Variants in PRRC2C observed in about 807,000 individuals in gnomAD.
PRRC2C encodes the protein protein PRRC2C.
A neutral mutation model predicts 317.2 loss-of-function variants in PRRC2C; 72 were observed. The ratio of observed to expected loss-of-function variants is 0.23; its 90% CI spans 0.19 to 0.28. The LOEUF (loss-of-function observed/expected upper bound fraction) is 0.28. PRRC2C is among the 10% of genes least tolerant of loss of function. The pLI, the probability that PRRC2C is intolerant of heterozygous loss-of-function variation, is 1.00. For synonymous variants in PRRC2C, 1,296 were observed against 1,205.9 expected, an observed-to-expected ratio of 1.07 and a Z score of -1.55; for missense variants, 3,074 against 3,459.7, an observed-to-expected ratio of 0.89 and a Z score of 2.80.
Position 171,579,865 on chromosome 1 carries a change from C to A in PRRC2C, c.7310C>A (p.Ala2437Glu). The change falls in exon 28 of 35, where the codon GCA becomes GAA. Residue 2437 changes from alanine to glutamate, a missense_variant. Coordinates refer to ENST00000647382, the MANE Select transcript of PRRC2C (RefSeq NM_001387844.1). ...CAGCAGATTCCAATCCCTATTTATG[C>A]ACCACTGCAAGGGCAGCATCAAGCC... is the stretch of plus-strand genomic sequence containing the variant. ...SVQQIPIPIY[A>E]PLQGQHQAQL... is the part of the protein sequence containing the mutation. 6.3e-7 allele frequency: 1 copy of A among 1,588,338 alleles called. No individual in the cohort carries two copies. The highest frequency in any genetic ancestry group is 8.5e-7 in the Non-Finnish European group (1 of 1,170,568).
At chr1:171,554,729 T>G (rs1341402379) in intron 18 of PRRC2C, among the ~76,000 whole-genome samples, 1 of 152,236 alleles carries the variant, frequency 6.6e-6, no homozygotes, top group African/African-American at 2.4e-5. Flanking sequence ...GAAGCTTAGT[T>G]TGGCTGCATA....
At chr1:171,534,301 G>C (rs1367849279) in intron 12 of PRRC2C, among the ~76,000 whole-genome samples, 2 of 151,936 alleles carry the variant, frequency 1.3e-5, no homozygotes, top group Non-Finnish European at 2.9e-5. Flanking sequence ...TATGAAGATT[G>C]CTCATAACAC....
chr1:171,497,303 G>T (rs1668305490), intron 1 of PRRC2C, among the ~76,000 whole-genome samples: 1 of 152,068 alleles, frequency 6.6e-6, no homozygotes. Flanking sequence ...ATTATGTTGG[G>T]CACTGGCTTT....
chr1:171,496,199 C>CTTTTTTTTTTTTTTT lies in PRRC2C; in HGVS notation c.-58+10474_-58+10488dup, dbSNP rs528654548. 1.4e-3 allele frequency among the ~76,000 whole-genome samples: 103 copies of CTTTTTTTTTTTTTTT among 75,650 alleles called. 8 individuals carry two copies. The highest frequency in any genetic ancestry group is 1.6e-3 in the African/African-American group (24 of 14,734). 49.6% of individuals were successfully genotyped at this position (75,650 alleles called of 152,430 possible). ...ATTTTTAGAGCTTTGATTTTTGTGC[C>CTTTTTTTTTTTTTTT]TTTTTTTTTTTTTTTTTTTTTTTTG... On this transcript the variant is annotated intron_variant, in intron 1 of 34. Coordinates refer to ENST00000647382, the MANE Select transcript of PRRC2C (RefSeq NM_001387844.1).
intron 25 of PRRC2C, 86 bp downstream of exon 25, chr1:171,575,214 T>C (rs1685494083): frequency 2.4e-6 from 3 of 1,274,092 alleles, no homozygotes; most frequent in Admixed American, 2.3e-5. Context: ...TCTCTAGCCC[T>C]CCGAAAATAG....
At chr1:171,518,269 A>C in intron 6 of PRRC2C, among the ~76,000 whole-genome samples, 1 of 152,170 alleles carries the variant, frequency 6.6e-6, no homozygotes, top group Non-Finnish European at 1.5e-5. Flanking sequence ...GAACAATTAC[A>C]CTAACATTCT....
intron 23 of PRRC2C, among the ~76,000 whole-genome samples, chr1:171,570,437 A>G (rs1240607543): frequency 6.6e-6 from 1 of 152,176 alleles, no homozygotes; most frequent in Non-Finnish European, 1.5e-5. Context: ...TGAAGATTAA[A>G]TGCAGGTGGC....
rs1257319891 is a variant in PRRC2C, at chr1:171,592,724, C to T, written c.*877C>T. 2 of 150,812 alleles carry T rather than the reference C, an allele frequency of 1.3e-5. No individual in the cohort carries two copies. Among genetic ancestry groups the T allele is most frequent in the African/African-American group, 2.4e-5 (1 of 40,970 alleles). 9.3% of individuals were successfully genotyped at this position (150,812 alleles called of 1,614,324 possible). ...GGTTTTTTTCTTTTTTTTTTTATAC[C>T]AGTTTTTAGCTGGTGTTTATGAAGA... On this transcript the variant is annotated 3_prime_UTR_variant, in exon 35 of 35. Coordinates refer to ENST00000647382, the MANE Select transcript of PRRC2C (RefSeq NM_001387844.1).
chr1:171,571,379 C>T lies in PRRC2C; in HGVS notation c.6711C>T (p.Ser2237=), dbSNP rs759372431. The part of the protein sequence containing the change: ...PKRETIQQSS[S]LTSVPPTTFS... ...GGGAGACTATACAACAGAGCTCCAGCCTAACTTCAGTTCCTCCCACTACTT... is the reference window on the plus strand; with the variant it reads ...GGGAGACTATACAACAGAGCTCCAGTCTAACTTCAGTTCCTCCCACTACTT... The change falls in exon 24 of 35, where the codon AGC becomes AGT. Residue 2237 remains serine (S), a synonymous_variant. Transcript: ENST00000647382. The T allele has an allele frequency of 1.9e-6, 3 of 1,612,684 alleles. No homozygotes were observed. Among genetic ancestry groups the T allele is most frequent in the East Asian group, 4.5e-5 (2 of 44,872 alleles).
intron 3 of PRRC2C, among the ~76,000 whole-genome samples, chr1:171,514,256 GTGTGTA>G (rs1358109057): frequency 2.6e-5 from 3 of 116,278 alleles, no homozygotes; most frequent in East Asian, 2.7e-4. Context: ...TTAAAAGTGT[GTGTGTA>G]TGTGTGTGTG....
intron 30 of PRRC2C, among the ~76,000 whole-genome samples, chr1:171,586,801 T>C (rs917323190): frequency 4.0e-5 from 6 of 151,492 alleles, no homozygotes; most frequent in South Asian, 2.1e-4. Context: ...TTGGCCAGGA[T>C]GGTCTCGATC....
In PRRC2C at chr1:171,515,877, T is replaced by G; in HGVS notation, c.526+18T>G. ...TCCACCAAGTAAGAGTACTTTCTCT[T>G]TAATACAAAATGAGATCATATTTGT... is the stretch of plus-strand genomic sequence containing the variant. On this transcript the variant is annotated intron_variant, in intron 5 of 34. Transcript: ENST00000647382. 1.3e-6 allele frequency: 2 copies of G among 1,572,036 alleles called. No homozygotes were observed. The highest frequency in any genetic ancestry group is 1.4e-5 in the African/African-American group (1 of 72,852).
Position 171,523,322 on chromosome 1 carries a change from A to G in PRRC2C, c.935A>G (p.Asn312Ser), listed in dbSNP as rs777304328. The change falls in exon 8 of 35, where the codon AAC becomes AGC. Residue 312 changes from asparagine to serine, a missense_variant. Asn to Ser is a conservative substitution (Grantham distance 46). This residue lies in a region of PRRC2C where 50 missense variants were observed against 88.3 expected (regional missense o/e 0.57). Transcript: ENST00000647382. ...CTGAAGGAGCTTGATAAATTTGATAACCTAGATGCTGAAGCTGATGAAGGT... is the reference window on the plus strand; with the variant it reads ...CTGAAGGAGCTTGATAAATTTGATAGCCTAGATGCTGAAGCTGATGAAGGT... Reference protein sequence around the residue: ...SELKELDKFDNLDAEADEGWA... With the variant: ...SELKELDKFDSLDAEADEGWA... The G allele has an allele frequency of 1.2e-5, 20 of 1,613,822 alleles. No homozygotes were observed. In the African/African-American group the frequency reaches 2.3e-4, roughly 18 times the overall value.
intron 1 of PRRC2C, among the ~76,000 whole-genome samples, chr1:171,500,778 G>C (rs1275128295): frequency 6.6e-6 from 1 of 151,982 alleles, no homozygotes; most frequent in Non-Finnish European, 1.5e-5. Flanking sequence ...AAAATCCCTG[G>C]CTTCCTTTTT....
chr1:171,515,140 C>T (rs1672111251), intron 4 of PRRC2C, among the ~76,000 whole-genome samples: 1 of 152,226 alleles, frequency 6.6e-6, no homozygotes, highest in African/African-American at 2.4e-5. Context: ...ACTTTCGAAA[C>T]AGGAACTGTC....
chr1:171,589,308 G>GGTT, intron 33 of PRRC2C, 61 bp from the exon 34 acceptor site: 1 of 445,896 alleles, frequency 2.2e-6, no homozygotes, highest in East Asian at 8.5e-5. Context: ...CTAGTTGGCA[G>GGTT]TTTTTTTTTT....
At position 171,540,357 on chromosome 1, in the gene PRRC2C, G is replaced by A. The variant is rs1288085448; in HGVS notation, c.2891G>A (p.Arg964Lys). 1.9e-6 allele frequency: 3 copies of A among 1,612,714 alleles called. No individual in the cohort carries two copies. The highest frequency in any genetic ancestry group is 2.5e-6 in the Non-Finnish European group (3 of 1,179,570). Residue 964 changes from arginine (R) to lysine (K), a missense_variant, in exon 16 of 35, where the codon AGG becomes AAG. By Grantham distance (26) the Arg-to-Lys change is conservative. Around this residue, in one of 11 missense-constraint regions of PRRC2C, gnomAD observed 1,320 missense variants for 1,395.7 expected, o/e 0.95. Coordinates refer to ENST00000647382, the MANE Select transcript of PRRC2C (RefSeq NM_001387844.1). ...ATTGATTCAAAAGAACCAATAGAAA[G>A]GCCAGAGGAGAAACCAAAAAAGGAA... Reference protein sequence around the residue: ...RCIDSKEPIERPEEKPKKEGF... With the variant: ...RCIDSKEPIEKPEEKPKKEGF...
At chr1:171,582,345 G>A (rs1359747220) in intron 28 of PRRC2C, among the ~76,000 whole-genome samples, 1 of 152,100 alleles carries the variant, frequency 6.6e-6, no homozygotes, top group Non-Finnish European at 1.5e-5. Context: ...TTGTATACAG[G>A]GCTTTAAATC....
At chr1:171,502,649 G>C (rs1669344882) in intron 1 of PRRC2C, among the ~76,000 whole-genome samples, 1 of 152,158 alleles carries the variant, frequency 6.6e-6, no homozygotes, top group Non-Finnish European at 1.5e-5. Flanking sequence ...GCTTGTTTCT[G>C]TGTAACCTGT....
Sources: gnomAD v4.1 joint callset for allele counts (sites outside exome capture counted in the v4.1 genomes callset) on GRCh38, gnomAD v4.1.1 for gene constraint, gnomAD v4.1.1 regional missense constraint, MANE v1.5 for transcripts, NCBI Gene and HGNC (gene_info 2026-07-23, HGNC 2026-07-21) for gene names.